Variants in TRDN observed in about 807,000 individuals in gnomAD.
TRDN encodes triadin in skeletal muscle.
In TRDN, 161 loss-of-function variants were observed where a neutral mutation model predicts 149.7. The observed-to-expected ratio is 1.08, with a 90% CI of 0.95 to 1.23. The LOEUF is 1.23. Among genes scored for constraint, TRDN ranks in the 50% most tolerant of loss-of-function variants. The pLI is 0.00. For missense variants in TRDN, 896 were observed against 823.5 expected (o/e 1.09, Z -1.08); for synonymous variants, 294 against 250.5 (o/e 1.17, Z -1.64).
At chr6:123,261,080 A>G (rs1042338241) in intron 33 of TRDN, among the ~76,000 whole-genome samples, 2 of 151,778 alleles carry the variant, frequency 1.3e-5, no homozygotes, top group Non-Finnish European at 2.9e-5. Context: ...TATCTCATGT[A>G]CCCATAAATA....
chr6:123,368,891 C>A (rs1781216895), intron 19 of TRDN, among the ~76,000 whole-genome samples: 1 of 152,176 alleles, frequency 6.6e-6, no homozygotes, highest in Admixed American at 6.5e-5. Flanking sequence ...TCTTACCAAG[C>A]TTATGCATAA....
chr6:123,301,788 C>CATAT (rs1562252374), intron 24 of TRDN, among the ~76,000 whole-genome samples: 1 of 34,976 alleles, frequency 2.9e-5, no homozygotes, highest in Non-Finnish European at 7.6e-5. Context: ...TATATATATA[C>CATAT]ATAAATGAAA....
chr6:123,529,220 A>T (rs1780095335), intron 5 of TRDN: 1 of 1,548,460 alleles, frequency 6.5e-7, no homozygotes, highest in Non-Finnish European at 8.7e-7. Flanking sequence ...TTTAACCTTC[A>T]GCAGATAGAA....
chr6:123,573,294 C>T (rs1283360908), intron 1 of TRDN, among the ~76,000 whole-genome samples: 1 of 152,018 alleles, frequency 6.6e-6, no homozygotes, highest in African/African-American at 2.4e-5. Flanking sequence ...ATAACTCATG[C>T]AAATTGTTTG....
intron 20 of TRDN, among the ~76,000 whole-genome samples, chr6:123,364,097 C>T (rs767199578): frequency 2.6e-5 from 4 of 152,210 alleles, no homozygotes; most frequent in Non-Finnish European, 4.4e-5. Flanking sequence ...CCTTCCACCA[C>T]GAGGCTTTGC....
intron 24 of TRDN, among the ~76,000 whole-genome samples, chr6:123,299,070 T>C (rs1341986540): frequency 6.6e-6 from 1 of 152,040 alleles, no homozygotes; most frequent in Non-Finnish European, 1.5e-5. Context: ...CACAGCATGC[T>C]TTAATTGTTA....
At chr6:123,585,166 G>C (rs575067682) in intron 1 of TRDN, among the ~76,000 whole-genome samples, 2 of 149,674 alleles carry the variant, frequency 1.3e-5, no homozygotes, top group African/African-American at 4.9e-5. Context: ...AGAGGAGCAC[G>C]CAAAGGAGGC....
At chr6:123,514,732 A>T (rs1161247508) in intron 6 of TRDN, among the ~76,000 whole-genome samples, 1 of 152,018 alleles carries the variant, frequency 6.6e-6, no homozygotes, top group Non-Finnish European at 1.5e-5. Context: ...TAAAAACCAT[A>T]TTTGAATCTT....
At chr6:123,584,268 C>T (rs1401320696) in intron 1 of TRDN, among the ~76,000 whole-genome samples, 1 of 152,058 alleles carries the variant, frequency 6.6e-6, no homozygotes, top group Non-Finnish European at 1.5e-5. Flanking sequence ...GTATATGCGT[C>T]AGATATGAGG....
chr6:123,314,019 G>C (rs530630292), intron 24 of TRDN, among the ~76,000 whole-genome samples: 1 of 152,170 alleles, frequency 6.6e-6, no homozygotes, highest in Non-Finnish European at 1.5e-5. Flanking sequence ...AAACCAACGA[G>C]CTTCTGCATA....
At chr6:123,414,330 C>A (rs527978780) in intron 12 of TRDN, among the ~76,000 whole-genome samples, 1 of 151,970 alleles carries the variant, frequency 6.6e-6, no homozygotes. Flanking sequence ...TCATGTTTAA[C>A]GAGAACGTAC....
chr6:123,634,083 A>G (rs1385289818), intron 1 of TRDN, among the ~76,000 whole-genome samples: 1 of 151,972 alleles, frequency 6.6e-6, no homozygotes, highest in East Asian at 1.9e-4. Flanking sequence ...TAATTGATTG[A>G]TAGGTGGCAT....
chr6:123,608,473 A>G (rs1051348971), intron 1 of TRDN, among the ~76,000 whole-genome samples: 9 of 152,172 alleles, frequency 5.9e-5, no homozygotes, highest in Non-Finnish European at 1.3e-4. Context: ...GTGAGAATTG[A>G]AAGCAACTTA....
At chr6:123,573,891 G>A (rs1284052329) in intron 1 of TRDN, among the ~76,000 whole-genome samples, 1 of 151,884 alleles carries the variant, frequency 6.6e-6, no homozygotes, top group Non-Finnish European at 1.5e-5. Context: ...TTTAAGTATT[G>A]GAGAAAGAAA....
intron 24 of TRDN, among the ~76,000 whole-genome samples, chr6:123,315,247 G>T (rs1582860396): frequency 6.6e-6 from 1 of 151,916 alleles, no homozygotes; most frequent in South Asian, 2.1e-4. Flanking sequence ...TTCCTTTTCT[G>T]AAGATATATC....
chr6:123,427,835 G>T (rs1348575021), intron 12 of TRDN, among the ~76,000 whole-genome samples: 1 of 152,106 alleles, frequency 6.6e-6, no homozygotes, highest in African/African-American at 2.4e-5. Context: ...CTACAAAGTA[G>T]AGGGGAAGGA....
chr6:123,269,874 G>C lies in TRDN; in HGVS notation c.1721-8C>G, dbSNP rs1186685461. ...TTGTTGGTTTGGGCTTGGCTGTGGAGAATGGAGGCAAGCACATGGCATATT... is the reference window on the plus strand; with the variant it reads ...TTGTTGGTTTGGGCTTGGCTGTGGACAATGGAGGCAAGCACATGGCATATT... On this transcript the variant is annotated splice_region_variant and splice_polypyrimidine_tract_variant and intron_variant, in intron 30 of 40. Coordinates refer to ENST00000334268, the MANE Select transcript of TRDN (RefSeq NM_006073.4). 6.2e-7 allele frequency: 1 copy of C among 1,610,018 alleles called. No homozygotes were observed. The highest frequency in any genetic ancestry group is 8.5e-7 in the Non-Finnish European group (1 of 1,177,802).
chr6:123,502,536 G>C lies in TRDN; in HGVS notation c.793+1183C>G, dbSNP rs183718429. 7.2e-6 allele frequency: 7 copies of C among 977,698 alleles called. No homozygotes were observed. The Admixed American group carries it at 4.3e-4, about 60-fold the overall frequency. 60.6% of individuals were successfully genotyped at this position (977,698 alleles called of 1,614,324 possible). On this transcript the variant is annotated intron_variant, in intron 8 of 40. Transcript: ENST00000334268. The stretch of plus-strand genomic sequence containing the variant: ...TGTATCTTTTGTCATATAAATCAGA[G>C]TTGACAAATACTACATGTGAATCAA...
intron 10 of TRDN, chr6:123,464,680 T>G (rs1776682523): frequency 2.3e-6 from 3 of 1,305,496 alleles, no homozygotes; most frequent in Non-Finnish European, 2.9e-6. Flanking sequence ...AGAGTGGGCA[T>G]CCTTCTGGAA....
Sources: gnomAD v4.1 joint callset for allele counts (sites outside exome capture counted in the v4.1 genomes callset) on GRCh38, gnomAD v4.1.1 for gene constraint, MANE v1.5 for transcripts, NCBI Gene and HGNC (gene_info 2026-07-23, HGNC 2026-07-21) for gene names.